The following SPINT1 variants were observed in gnomAD, a reference collection of about 807,000 sequenced individuals.
SPINT1 encodes serine peptidase inhibitor, Kunitz type 1, also known as kunitz-type protease inhibitor 1.
In SPINT1, 38 loss-of-function variants were observed where a neutral mutation model predicts 53.7. That is an observed-to-expected ratio of 0.71 (90% CI 0.55 to 0.93). SPINT1 has a LOEUF of 0.93. SPINT1 is among the 40% of genes least tolerant of loss of function. SPINT1 has a pLI of 0.00. For missense variants in SPINT1, 645 were observed against 692.9 expected (o/e 0.93, Z 0.78); for synonymous variants, 283 against 280.6 (o/e 1.01, Z -0.08).
At chr15:40,846,129 CAG>C (rs1003722036) in intron 2 of SPINT1, among the ~76,000 whole-genome samples, 4 of 152,206 alleles carry the variant, frequency 2.6e-5, no homozygotes, top group African/African-American at 9.7e-5. Flanking sequence ...ATGAGCCAGA[CAG>C]GGCTCTCCCT....
chr15:40,851,953 G>A (rs1021382427), intron 2 of SPINT1, among the ~76,000 whole-genome samples: 4 of 152,174 alleles, frequency 2.6e-5, no homozygotes, highest in East Asian at 1.9e-4. Flanking sequence ...CCCTGGAGGC[G>A]GAGGTTGCAG....
Position 40,850,061 on chromosome 15 carries a change from TTTTTTC to T in SPINT1, c.476-3052_476-3047del, listed in dbSNP as rs1188336822. Among the ~76,000 whole-genome samples, 14 of 152,274 alleles carry T rather than the reference TTTTTTC, an allele frequency of 9.2e-5. No individual in the cohort carries two copies. In the East Asian group the frequency reaches 2.7e-3, roughly 29 times the overall value. ...GTCATTACAAAGGATTCTCCTTTTGTTTTTTCTTTTTCTTTTCTTTCTTTTTTTGAG... is the reference window on the plus strand; with the variant it reads ...GTCATTACAAAGGATTCTCCTTTTGTTTTTTCTTTTCTTTCTTTTTTTGAG... On this transcript the variant is annotated intron_variant, in intron 2 of 10. Transcript: ENST00000562057.
At position 40,844,958 on chromosome 15, in the gene SPINT1, A is replaced by T. The variant is rs1214949622; in HGVS notation, c.404A>T (p.Glu135Val). 5 of 1,613,898 alleles carry T rather than the reference A, an allele frequency of 3.1e-6. No individual in the cohort carries two copies. In the East Asian group the frequency reaches 8.9e-5, roughly 29 times the overall value. The change falls in exon 2 of 11, where the codon GAG (glutamate) becomes GTG (valine). Residue 135 changes from glutamate to valine, a missense_variant. Physicochemically the swap from Glu to Val is moderately radical, Grantham distance 121. Transcript: ENST00000562057. This position sits in a 1 kb window ranked among gnomAD's most constrained non-coding sequence, Gnocchi z 5.8. ...TTCGTGTGCAAGTTCGCGCCCAGGG[A>T]GGGCTTCATCAACTACCTCACGAGG... is the stretch of plus-strand genomic sequence containing the variant. ...QNFVCKFAPR[E>V]GFINYLTREV... is the part of the protein sequence containing the mutation.
In SPINT1 at chr15:40,853,217, G is replaced by A. The variant is rs1171746024; in HGVS notation, c.569G>A (p.Arg190His). ...VLKDVENTDW[R>H]LLRGDTDVRV... ...AAGGATGTGGAAAACACAGATTGGC[G>A]CCTACTGCGGGGTGACACGGATGTC... is the stretch of plus-strand genomic sequence containing the variant. Residue 190 changes from arginine to histidine, a missense_variant, in exon 3 of 11, where the codon CGC (arginine) becomes CAC (histidine). Coordinates refer to ENST00000562057, the MANE Select transcript of SPINT1 (RefSeq NM_003710.4). The A allele has an allele frequency of 1.9e-6, 3 of 1,614,198 alleles. No individual in the cohort carries two copies. The highest frequency in any genetic ancestry group is 2.2e-5 in the South Asian group (2 of 91,090).
chr15:40,844,969 A>G lies in SPINT1; in HGVS notation c.415A>G (p.Asn139Asp), dbSNP rs373492914. The G allele has an allele frequency of 1.1e-4, 176 of 1,613,708 alleles. No individual in the cohort carries two copies. Among genetic ancestry groups the G allele is most frequent in the Non-Finnish European group, 1.5e-4 (172 of 1,180,018 alleles). Residue 139 changes from asparagine to aspartate, a missense_variant, in exon 2 of 11, where the codon AAC becomes GAC. Transcript: ENST00000562057. The surrounding 1 kb of genome is among the most constrained non-coding windows in gnomAD (Gnocchi z 5.8). ...GTTCGCGCCCAGGGAGGGCTTCATC[A>G]ACTACCTCACGAGGGAAGTGTACCG... ...CKFAPREGFINYLTREVYRSY... is the reference protein window; with the variant it reads ...CKFAPREGFIDYLTREVYRSY...
chr15:40,853,051 C>G (rs748175184), intron 2 of SPINT1, 73 bp from the exon 3 acceptor site: 93 of 1,554,146 alleles, frequency 6.0e-5, no homozygotes, highest in Non-Finnish European at 8.1e-5. Flanking sequence ...CTTTCACCAC[C>G]CCACTTTGCT....
At position 40,856,966 on chromosome 15, in the gene SPINT1, G is replaced by A. The variant is rs1566858986; in HGVS notation, c.1533G>A (p.Arg511=). 4 of 1,613,944 alleles carry A rather than the reference G, an allele frequency of 2.5e-6. No individual in the cohort carries two copies. The highest frequency in any genetic ancestry group is 1.7e-5 in the Admixed American group (1 of 60,016). The change falls in exon 11 of 11, where the codon CGG becomes CGA. Residue 511 remains arginine (R), a synonymous_variant. Coordinates refer to ENST00000562057, the MANE Select transcript of SPINT1 (RefSeq NM_003710.4). ...TEHLVYNHTT[R]PL ...ACCTGGTCTATAACCACACCACGCG[G>A]CCCCTCTGAGCCTGGGTCTCACCGG...
intron 10 of SPINT1, among the ~76,000 whole-genome samples, 150 bp from the exon 11 acceptor site, chr15:40,856,606 CTGGACAGAGCTGTT>C (rs1313240416): frequency 6.6e-6 from 1 of 152,156 alleles, no homozygotes; most frequent in Non-Finnish European, 1.5e-5. Flanking sequence ...CTCTGAGCTC[CTGGACAGAGCTGTT>C]CAGCTGTTCA....
chr15:40,857,390 T>G lies in SPINT1; in HGVS notation c.*415T>G, dbSNP rs1329794708. 1 of 194,592 alleles carries G rather than the reference T, an allele frequency of 5.1e-6. No individual in the cohort carries two copies. The highest frequency in any genetic ancestry group is 1.0e-5 in the Non-Finnish European group (1 of 95,576). 12.1% of individuals were successfully genotyped at this position (194,592 alleles called of 1,614,324 possible). A position where few individuals can be genotyped will look rare whatever the true frequency, so the allele number is the denominator to read the frequency against. ...CCAGGGCTGGGAGGAAGGACTTCCCTGTGTAGTTTGTGCTGTAAAGAGTTG... is the reference window on the plus strand; with the variant it reads ...CCAGGGCTGGGAGGAAGGACTTCCCGGTGTAGTTTGTGCTGTAAAGAGTTG... On this transcript the variant is annotated 3_prime_UTR_variant, in exon 11 of 11. Coordinates refer to ENST00000562057, the MANE Select transcript of SPINT1 (RefSeq NM_003710.4).
intron 2 of SPINT1, among the ~76,000 whole-genome samples, chr15:40,850,221 T>C (rs1038331200): frequency 6.6e-6 from 1 of 152,124 alleles, no homozygotes; most frequent in African/African-American, 2.4e-5. Flanking sequence ...TACAGGCATG[T>C]GCCACCACAC....
At chr15:40,854,131 T>C in intron 6 of SPINT1, 45 bp downstream of exon 6, 1 of 1,513,542 alleles carries the variant, frequency 6.6e-7, no homozygotes, top group Non-Finnish European at 8.9e-7. Context: ...ACCACATCTC[T>C]AGCCCATATC....
At chr15:40,849,866 G>A (rs1392384489) in intron 2 of SPINT1, among the ~76,000 whole-genome samples, 1 of 152,034 alleles carries the variant, frequency 6.6e-6, no homozygotes, top group African/African-American at 2.4e-5. Context: ...AACTTTTTCT[G>A]TAAAGATCTA....
At position 40,844,957 on chromosome 15, in the gene SPINT1, G is replaced by A. The variant is rs1353181588; in HGVS notation, c.403G>A (p.Glu135Lys). The A allele has an allele frequency of 3.7e-6, 6 of 1,613,962 alleles. No homozygotes were observed. The South Asian group carries it at 6.6e-5, about 18-fold the overall frequency. ...QNFVCKFAPR[E>K]GFINYLTREV... is the part of the protein sequence containing the mutation. ...CTTCGTGTGCAAGTTCGCGCCCAGG[G>A]AGGGCTTCATCAACTACCTCACGAG... Residue 135 changes from glutamate (E) to lysine (K), a missense_variant, in exon 2 of 11, where the codon GAG (glutamate) becomes AAG (lysine). Glu to Lys is a moderately conservative substitution (Grantham distance 56, BLOSUM62 1). Transcript: ENST00000562057. This position sits in a 1 kb window ranked among gnomAD's most constrained non-coding sequence, Gnocchi z 5.8.
chr15:40,849,233 A>G (rs1384660568), intron 2 of SPINT1, among the ~76,000 whole-genome samples: 1 of 151,562 alleles, frequency 6.6e-6, no homozygotes, highest in Non-Finnish European at 1.5e-5. Flanking sequence ...GCAACAGAGC[A>G]ACACTCCGTC....
rs752038956 is a variant in SPINT1 at position 40,856,013 on chromosome 15, C to T, written c.1239C>T (p.Asn413=). The stretch of plus-strand genomic sequence containing the variant: ...ATGGTGGTTGTTACGGCAACAAGAA[C>T]AACTTTGAGGAAGAGCAGCAGTGCC... ...FTYGGCYGNK[N]NFEEEQQCLE... is the part of the protein sequence containing the mutation. The change falls in exon 9 of 11, where the codon AAC becomes AAT. Residue 413 remains asparagine (N), a synonymous_variant. Transcript: ENST00000562057. 1 of 1,614,224 alleles carries T rather than the reference C, an allele frequency of 6.2e-7. No homozygotes were observed. Among genetic ancestry groups the T allele is most frequent in the Non-Finnish European group, 8.5e-7 (1 of 1,180,040 alleles).
chr15:40,855,217 C>CA (rs1333546937), intron 8 of SPINT1, among the ~76,000 whole-genome samples: 1 of 151,900 alleles, frequency 6.6e-6, no homozygotes, highest in Non-Finnish European at 1.5e-5. Context: ...CCCATCTCTA[C>CA]AAAAAATACA....
intron 3 of SPINT1, 111 bp downstream of exon 3, chr15:40,853,362 G>T: frequency 6.3e-7 from 1 of 1,599,302 alleles, no homozygotes. Context: ...GGTGGAGAGA[G>T]GCTGAAGATG....
At chr15:40,851,483 C>T (rs1473317424) in intron 2 of SPINT1, among the ~76,000 whole-genome samples, 1 of 152,148 alleles carries the variant, frequency 6.6e-6, no homozygotes, top group African/African-American at 2.4e-5. Flanking sequence ...ACCCTACATT[C>T]TCCCAACAAC....
In SPINT1 at chr15:40,853,141, G is replaced by T. The variant is rs139263716; in HGVS notation, c.493G>T (p.Ala165Ser). The T allele has an allele frequency of 2.8e-4, 450 of 1,614,084 alleles. No individual in the cohort carries two copies. The highest frequency in any genetic ancestry group is 3.5e-4 in the Non-Finnish European group (414 of 1,179,966). The change falls in exon 3 of 11, where the codon GCC becomes TCC. Residue 165 changes from alanine (A) to serine (S), a missense_variant. By Grantham distance (99) the Ala-to-Ser change is moderately conservative (BLOSUM62 1). Transcript: ENST00000562057. The part of the protein sequence containing the change: ...QGFGGSGIPK[A>S]WAGIDLKVQP... ...CCCGCCAGGGTCTGGGATCCCCAAG[G>T]CCTGGGCAGGCATAGACTTGAAGGT...
Sources: gnomAD v4.1 joint callset for allele counts (sites outside exome capture counted in the v4.1 genomes callset) on GRCh38, gnomAD v4.1.1 for gene constraint, Gnocchi (gnomAD v3.1) non-coding constraint, MANE v1.5 for transcripts, NCBI Gene and HGNC (gene_info 2026-07-23, HGNC 2026-07-21) for gene names.